The following PARN variants were observed in gnomAD, a reference collection of about 807,000 sequenced individuals.
The protein encoded by PARN is poly(A)-specific ribonuclease PARN.
A neutral mutation model predicts 102.8 loss-of-function variants in PARN; 71 were observed. That is an observed-to-expected ratio of 0.69 (90% CI 0.57 to 0.84). PARN has a LOEUF of 0.84. Ranked by LOEUF, PARN falls within the 40% of genes least tolerant of loss-of-function variation. The pLI, the probability that PARN is intolerant of heterozygous loss-of-function variation, is 0.00. For synonymous variants in PARN, 261 were observed against 252.9 expected (o/e 1.03, Z -0.30); for missense variants, 782 against 760.9 (o/e 1.03, Z -0.33).
At chr16:14,521,433 C>G (rs1018458970) in intron 21 of PARN, among the ~76,000 whole-genome samples, 3 of 152,234 alleles carry the variant, frequency 2.0e-5, no homozygotes, top group African/African-American at 4.8e-5. Context: ...AATAAACACA[C>G]AGAGCCACTC....
At position 14,555,644 on chromosome 16, in the gene PARN, A is replaced by T. The variant is rs775772184; in HGVS notation, c.1318+10T>A. On this transcript the variant is annotated intron_variant, in intron 19 of 23. Coordinates refer to ENST00000437198, the MANE Select transcript of PARN (RefSeq NM_002582.4). ...GCACAGATGCAATAAGAAAATAAAA[A>T]TTTACTTACAGTCTGGTCCTTCCAA... 37 of 1,311,496 alleles carry T rather than the reference A, an allele frequency of 2.8e-5. 1 individual carries two copies. The South Asian group carries it at 4.2e-4, about 15-fold the overall frequency. 81.2% of individuals were successfully genotyped at this position (1,311,496 alleles called of 1,614,324 possible).
intron 23 of PARN, among the ~76,000 whole-genome samples, chr16:14,443,799 C>T (rs1213137885): frequency 2.6e-5 from 4 of 152,190 alleles, no homozygotes; most frequent in Non-Finnish European, 4.4e-5. Flanking sequence ...CTTTCATGCC[C>T]TCACTGCCAG....
At chr16:14,464,203 C>A (rs574036559) in intron 22 of PARN, among the ~76,000 whole-genome samples, 163 of 152,188 alleles carry the variant, frequency 1.1e-3, no homozygotes, top group Non-Finnish European at 2.0e-3. Flanking sequence ...CAGTAAATCC[C>A]AAGCTGATTA....
At chr16:14,547,042 A>G (rs1966991339) in intron 21 of PARN, among the ~76,000 whole-genome samples, 1 of 151,772 alleles carries the variant, frequency 6.6e-6, no homozygotes, top group Non-Finnish European at 1.5e-5. Flanking sequence ...GCAGTGAGCC[A>G]AGATCGCACA....
At chr16:14,611,761 G>A (rs1173382205) in intron 6 of PARN, among the ~76,000 whole-genome samples, 1 of 152,102 alleles carries the variant, frequency 6.6e-6, no homozygotes, top group East Asian at 1.9e-4. Context: ...GGCTGGTTTC[G>A]AACTCCAGAC....
chr16:14,626,286 G>A (rs957054634), intron 5 of PARN, among the ~76,000 whole-genome samples: 3 of 152,238 alleles, frequency 2.0e-5, no homozygotes, highest in Non-Finnish European at 2.9e-5. Context: ...AGGATAGGGA[G>A]AAGCCTCCAA....
At chr16:14,512,951 T>C (rs956721635) in intron 21 of PARN, among the ~76,000 whole-genome samples, 2 of 152,208 alleles carry the variant, frequency 1.3e-5, no homozygotes, top group African/African-American at 4.8e-5. Context: ...AGATGGAGTC[T>C]CGCTCTGTCA....
chr16:14,525,832 T>C (rs961299132), intron 21 of PARN, among the ~76,000 whole-genome samples: 5 of 152,214 alleles, frequency 3.3e-5, no homozygotes, highest in Non-Finnish European at 5.9e-5. Context: ...AACCAAATTT[T>C]CTTTTTCTTT....
chr16:14,526,314 C>T (rs1965999728), intron 21 of PARN, among the ~76,000 whole-genome samples: 1 of 151,716 alleles, frequency 6.6e-6, no homozygotes, highest in Admixed American at 6.6e-5. Flanking sequence ...GTAGCTGGGA[C>T]TACAGGTGCC....
Position 14,610,687 on chromosome 16 carries a change from C to G in PARN, c.511G>C (p.Val171Leu). The change falls in exon 7 of 24, where the codon GTC becomes CTC. Residue 171 changes from valine to leucine, a missense_variant. By Grantham distance (32) the Val-to-Leu change is conservative (BLOSUM62 1). Coordinates refer to ENST00000437198, the MANE Select transcript of PARN (RefSeq NM_002582.4). ...YVSPNTSKCPVTIPEDQKKFI... is the reference protein window; with the variant it reads ...YVSPNTSKCPLTIPEDQKKFI... ...TTCTTTTGATCCTCAGGAATCGTGA[C>G]AGGACATTTTGAAGTGTTAGGAGAT... 1 of 1,611,308 alleles carries G rather than the reference C, an allele frequency of 6.2e-7. No individual in the cohort carries two copies. The highest frequency in any genetic ancestry group is 8.5e-7 in the Non-Finnish European group (1 of 1,177,526).
intron 21 of PARN, among the ~76,000 whole-genome samples, chr16:14,522,506 C>A (rs1440333760): frequency 6.6e-6 from 1 of 152,028 alleles, no homozygotes; most frequent in Admixed American, 6.6e-5. Context: ...GAGACTTGGT[C>A]TCTTAATAAG....
At chr16:14,628,668 C>T (rs1464025091) in intron 2 of PARN, among the ~76,000 whole-genome samples, 2 of 152,148 alleles carry the variant, frequency 1.3e-5, no homozygotes, top group African/African-American at 4.8e-5. Context: ...AATGTATCTT[C>T]AAGATTAAGA....
chr16:14,446,828 A>G, intron 23 of PARN, 60 bp downstream of exon 23: 1 of 1,198,700 alleles, frequency 8.3e-7, no homozygotes, highest in South Asian at 1.7e-5. Context: ...CCAAAATAGG[A>G]GTTTCTAGAG....
chr16:14,557,821 C>G (rs1967793184), intron 18 of PARN, among the ~76,000 whole-genome samples: 1 of 152,304 alleles, frequency 6.6e-6, no homozygotes, highest in African/African-American at 2.4e-5. Context: ...ATACTCCCTG[C>G]AATGCCAGAA....
chr16:14,629,941 C>G (rs1305570129), intron 1 of PARN, among the ~76,000 whole-genome samples, 166 bp downstream of exon 1: 1 of 152,236 alleles, frequency 6.6e-6, no homozygotes, highest in Non-Finnish European at 1.5e-5. Flanking sequence ...GGTGCACGGT[C>G]CGCAGCCGGA....
At chr16:14,583,281 C>T (rs991249219) in intron 16 of PARN, among the ~76,000 whole-genome samples, 3 of 152,064 alleles carry the variant, frequency 2.0e-5, no homozygotes, top group African/African-American at 7.2e-5. Context: ...ATCCTAGAAC[C>T]ATTCTGGAAA....
At chr16:14,548,115 G>T (rs1967072042) in intron 21 of PARN, among the ~76,000 whole-genome samples, 1 of 151,306 alleles carries the variant, frequency 6.6e-6, no homozygotes, top group Non-Finnish European at 1.5e-5. Flanking sequence ...GGGAGTGGAG[G>T]CACGCACCTG....
intron 21 of PARN, among the ~76,000 whole-genome samples, chr16:14,491,858 C>A (rs1234874727): frequency 2.0e-5 from 3 of 152,204 alleles, no homozygotes; most frequent in African/African-American, 7.2e-5. Context: ...CCTGTCTCCA[C>A]TCAAGAGAAA....
At position 14,582,542 on chromosome 16, in the gene PARN, T is replaced by C. The variant is rs143132999; in HGVS notation, c.1082-251A>G. Among the ~76,000 whole-genome samples the C allele has an allele frequency of 3.9e-3, 587 of 152,172 alleles. 4 individuals carry two copies. The highest frequency in any genetic ancestry group is 5.1e-3 in the Non-Finnish European group (344 of 68,020). On this transcript the variant is annotated intron_variant, in intron 16 of 23. Transcript: ENST00000437198. ...AAGGACTCAGCCGTGGGCTTTCTCGTCCCACACTGGTGGGTGCTATTTATG... is the reference window on the plus strand; with the variant it reads ...AAGGACTCAGCCGTGGGCTTTCTCGCCCCACACTGGTGGGTGCTATTTATG...
Sources: gnomAD v4.1 joint callset for allele counts (sites outside exome capture counted in the v4.1 genomes callset) on GRCh38, gnomAD v4.1.1 for gene constraint, MANE v1.5 for transcripts, NCBI Gene and HGNC (gene_info 2026-07-23, HGNC 2026-07-21) for gene names.